The following DPH3 variants were observed in gnomAD, a reference collection of about 807,000 sequenced individuals.
DPH3 encodes diphthamide biosynthesis protein 3.
DPH3 carries 8 observed loss-of-function variants against 10.2 expected under a neutral mutation model. The observed-to-expected ratio is 0.79, with a 90% CI of 0.46 to 1.42. The LOEUF is 1.42. Ranked by LOEUF, DPH3 falls within the 40% of genes most tolerant of loss-of-function variation. The pLI is 0.00. For synonymous variants in DPH3, 35 were observed against 35.6 expected (o/e 0.98, Z 0.06); for missense variants, 96 against 98.9 (o/e 0.97, Z 0.12).
At chr3:16,260,910 G>A (rs1157986601) in intron 2 of DPH3, 81 bp from the exon 3 acceptor site, 2 of 1,281,392 alleles carry the variant, frequency 1.6e-6, no homozygotes, top group Non-Finnish European at 2.2e-6. Flanking sequence ...TTTTGTTACA[G>A]CATCAATCCA....
intron 1 of DPH3, 87 bp from the exon 2 acceptor site, chr3:16,264,316 C>T: frequency 9.4e-7 from 1 of 1,066,546 alleles, no homozygotes; most frequent in African/African-American, 1.6e-5. Flanking sequence ...AGATGCAAGT[C>T]TCTTGGTGGC....
At position 16,261,801 on chromosome 3, in the gene DPH3, G is replaced by A. The variant is rs1373309702; in HGVS notation, c.184-972C>T. ...ACCAGAGGGATTGGAAGTGGGGCTA[G>A]TTCCTCCTTTTTGCCTCCATTCTCC... is the stretch of plus-strand genomic sequence containing the variant. On this transcript the variant is annotated intron_variant, in intron 2 of 2. Coordinates refer to ENST00000488423, the MANE Select transcript of DPH3 (RefSeq NM_206831.3). This position sits in a 1 kb window ranked among gnomAD's most constrained non-coding sequence, Gnocchi z 7.1. Among the ~76,000 whole-genome samples, 1 of 152,128 alleles carries A rather than the reference G, an allele frequency of 6.6e-6. No individual in the cohort carries two copies. The highest frequency in any genetic ancestry group is 2.1e-4 in the South Asian group (1 of 4,808).
At position 16,264,206 on chromosome 3, in the gene DPH3, G is replaced by A. The variant is rs147452194; in HGVS notation, c.132C>T (p.Asp44=). Residue 44 remains aspartate, a synonymous_variant, in exon 2 of 3, where the codon GAC becomes GAT. Transcript: ENST00000488423. ...GAGAGCAGCTAGGACACGTTGCCAC[G>A]TCTTCCCCATTCTCCAAATCTTCCT... The part of the protein sequence containing the change: ...ITKEDLENGE[D]VATCPSCSLI... The A allele has an allele frequency of 1.3e-5, 21 of 1,610,162 alleles. No individual in the cohort carries two copies. The highest frequency in any genetic ancestry group is 1.2e-4 in the African/African-American group (9 of 74,818).
rs1403873885 is a variant in DPH3 at position 16,258,186 on chromosome 3, C to A, written c.*2578G>T. 1 of 152,120 alleles carries A rather than the reference C, an allele frequency of 6.6e-6. No homozygotes were observed. Among genetic ancestry groups the A allele is most frequent in the Non-Finnish European group, 1.5e-5 (1 of 68,024 alleles). 9.4% of individuals were successfully genotyped at this position (152,120 alleles called of 1,614,324 possible). ...TAACATCAAGTTTTGGAAGAATGGA[C>A]TTTTTCTGTAATTCATGATTTAGTT... On this transcript the variant is annotated 3_prime_UTR_variant, in exon 3 of 3. Transcript: ENST00000488423.
Position 16,264,190 on chromosome 3 carries a change from T to A in DPH3, c.148A>T (p.Ser50Cys). The change falls in exon 2 of 3, where the codon AGC becomes TGC. Residue 50 changes from serine (S) to cysteine (C), a missense_variant. Ser to Cys is a moderately radical substitution (Grantham distance 112). Transcript: ENST00000488423. ...ENGEDVATCP[S>C]CSLIIKVIYD... ...ATCACTTTTATAATGAGAGAGCAGC[T>A]AGGACACGTTGCCACGTCTTCCCCA... 2 of 1,611,824 alleles carry A rather than the reference T, an allele frequency of 1.2e-6. No individual in the cohort carries two copies. The highest frequency in any genetic ancestry group is 1.7e-6 in the Non-Finnish European group (2 of 1,178,408).
intron 1 of DPH3, 41 bp from the exon 2 acceptor site, chr3:16,264,270 C>T: frequency 2.6e-6 from 4 of 1,511,124 alleles, no homozygotes; most frequent in Admixed American, 1.8e-5. Flanking sequence ...GATAGCTTCT[C>T]TTCGCCATCT....
In DPH3 at chr3:16,258,432, A is replaced by T. The variant is rs1173147495; in HGVS notation, c.*2332T>A. ...CTCCAGGAATGTCTTGAGCTAAATA[A>T]GGCACACGTATCACACAGAACTTTA... On this transcript the variant is annotated 3_prime_UTR_variant, in exon 3 of 3. Transcript: ENST00000488423. 6.6e-6 allele frequency: 1 copy of T among 152,216 alleles called. No homozygotes were observed. The highest frequency in any genetic ancestry group is 2.4e-5 in the African/African-American group (1 of 41,458). 9.4% of individuals were successfully genotyped at this position (152,216 alleles called of 1,614,324 possible). A position where few individuals can be genotyped will look rare whatever the true frequency, so the allele number is the denominator to read the frequency against.
In DPH3 at chr3:16,264,935, T is replaced by C; in HGVS notation, c.-59A>G. The C allele has an allele frequency of 6.3e-7, 1 of 1,587,482 alleles. No homozygotes were observed. Among genetic ancestry groups the C allele is most frequent in the African/African-American group, 1.3e-5 (1 of 74,486 alleles). Reference sequence around the variant, plus strand: ...AGCAGTCCGAGGCCAGCTCCGAGGGTTTAACTTCGCCGGAACCGGCCTGGG... The same window carrying C: ...AGCAGTCCGAGGCCAGCTCCGAGGGCTTAACTTCGCCGGAACCGGCCTGGG... On this transcript the variant is annotated 5_prime_UTR_variant, in exon 1 of 3. Transcript: ENST00000488423.
At position 16,263,972 on chromosome 3, in the gene DPH3, A is replaced by C. The variant is rs2064338519; in HGVS notation, c.183+183T>G. Among the ~76,000 whole-genome samples, 1 of 152,198 alleles carries C rather than the reference A, an allele frequency of 6.6e-6. No homozygotes were observed. Among genetic ancestry groups the C allele is most frequent in the African/African-American group, 2.4e-5 (1 of 41,444 alleles). ...AGCTAAAATAAATTACGTAATCTGA[A>C]CTTTAAACGTTTTAATTTACTATTC... is the stretch of plus-strand genomic sequence containing the variant. On this transcript the variant is annotated intron_variant, in intron 2 of 2. Transcript: ENST00000488423. This position sits in a 1 kb window ranked among gnomAD's most constrained non-coding sequence, Gnocchi z 4.0.
Position 16,259,201 on chromosome 3 carries a change from T to C in DPH3, c.*1563A>G, listed in dbSNP as rs1027516327. 6.6e-6 allele frequency: 1 copy of C among 152,260 alleles called. No homozygotes were observed. 9.4% of individuals were successfully genotyped at this position (152,260 alleles called of 1,614,324 possible). On this transcript the variant is annotated 3_prime_UTR_variant, in exon 3 of 3. Transcript: ENST00000488423. Reference sequence around the variant, plus strand: ...TCACTTTGCTTTTGCAAAGCAGTTGTGGATTACTTCTGGGATGTCAGTGTC... The same window carrying C: ...TCACTTTGCTTTTGCAAAGCAGTTGCGGATTACTTCTGGGATGTCAGTGTC...
In DPH3 at chr3:16,264,878, G is replaced by T; in HGVS notation, c.-2C>A. The T allele has an allele frequency of 6.2e-7, 1 of 1,614,156 alleles. No homozygotes were observed. The highest frequency in any genetic ancestry group is 1.7e-5 in the Admixed American group (1 of 60,024). On this transcript the variant is annotated 5_prime_UTR_variant, in exon 1 of 3. Transcript: ENST00000488423. Reference sequence around the variant, plus strand: ...CACCTCGTCATGAAACACTGCCATGGTCAGCGGGGGTGGCCGAAGGGGTAA... The same window carrying T: ...CACCTCGTCATGAAACACTGCCATGTTCAGCGGGGGTGGCCGAAGGGGTAA...
At chr3:16,264,436 A>C (rs1378362415) in intron 1 of DPH3, 1 of 546,972 alleles carries the variant, frequency 1.8e-6, no homozygotes, top group African/African-American at 1.9e-5. Context: ...AGGTCAGGCG[A>C]GCTTCGGTCG....
In DPH3 at chr3:16,263,925, C is replaced by T. The variant is rs2124935414; in HGVS notation, c.183+230G>A. 6.6e-6 allele frequency among the ~76,000 whole-genome samples: 1 copy of T among 152,280 alleles called. No homozygotes were observed. Among genetic ancestry groups the T allele is most frequent in the East Asian group, 1.9e-4 (1 of 5,192 alleles). On this transcript the variant is annotated intron_variant, in intron 2 of 2. Coordinates refer to ENST00000488423, the MANE Select transcript of DPH3 (RefSeq NM_206831.3). This position sits in a 1 kb window ranked among gnomAD's most constrained non-coding sequence, Gnocchi z 4.0. ...TCTATTTAATAAATAATAATTTTCA[C>T]TAAAGCTAGATTTATCTCTAAAGCT...
chr3:16,260,451 C>T lies in DPH3; in HGVS notation c.*313G>A, dbSNP rs950550863. 10 of 265,080 alleles carry T rather than the reference C, an allele frequency of 3.8e-5. No individual in the cohort carries two copies. Among genetic ancestry groups the T allele is most frequent in the East Asian group, 2.7e-4 (4 of 14,564 alleles). 16.4% of individuals were successfully genotyped at this position (265,080 alleles called of 1,614,324 possible). On this transcript the variant is annotated 3_prime_UTR_variant, in exon 3 of 3. Coordinates refer to ENST00000488423, the MANE Select transcript of DPH3 (RefSeq NM_206831.3). ...GGTAGATGATGCTGTTGTCAGATAC[C>T]GAAGTAATTTGGTTTAAGATATGAA...
Position 16,260,843 on chromosome 3 carries a change from A to G in DPH3, c.184-14T>C. On this transcript the variant is annotated splice_polypyrimidine_tract_variant and intron_variant, in intron 2 of 2. Transcript: ENST00000488423. ...CACAAACTGATCCTAAGACAGAGTGAGAAATGACATTAACCAATGAATTTC... is the reference window on the plus strand; with the variant it reads ...CACAAACTGATCCTAAGACAGAGTGGGAAATGACATTAACCAATGAATTTC... The G allele has an allele frequency of 6.2e-7, 1 of 1,611,434 alleles. No individual in the cohort carries two copies. Among genetic ancestry groups the G allele is most frequent in the Admixed American group, 1.7e-5 (1 of 59,888 alleles).
rs1325092644 is a variant in DPH3, at chr3:16,260,393, ATC to A, written c.*369_*370del. 5.7e-6 allele frequency: 1 copy of A among 176,590 alleles called. No homozygotes were observed. Among genetic ancestry groups the A allele is most frequent in the Non-Finnish European group, 1.2e-5 (1 of 84,202 alleles). The allele number at this position is 176,590 out of a possible 1,614,324, so 10.9% of individuals were successfully genotyped here. ...TCTTAATAACCAAGTCAAAAATACA[ATC>A]TCTTTTTTATTAAGAAATCCTAATG... On this transcript the variant is annotated 3_prime_UTR_variant, in exon 3 of 3. Coordinates refer to ENST00000488423, the MANE Select transcript of DPH3 (RefSeq NM_206831.3).
rs1309263230 is a variant in DPH3, at chr3:16,258,212, T to G, written c.*2552A>C. 1 of 152,190 alleles carries G rather than the reference T, an allele frequency of 6.6e-6. No homozygotes were observed. Among genetic ancestry groups the G allele is most frequent in the Non-Finnish European group, 1.5e-5 (1 of 68,018 alleles). 9.4% of individuals were successfully genotyped at this position (152,190 alleles called of 1,614,324 possible). On this transcript the variant is annotated 3_prime_UTR_variant, in exon 3 of 3. Transcript: ENST00000488423. The stretch of plus-strand genomic sequence containing the variant: ...TTTTTCTGTAATTCATGATTTAGTT[T>G]GAGTTTATAAAGGTTTTAATTGCAA...
rs2064276558 is a variant in DPH3, at chr3:16,259,313, G to A, written c.*1451C>T. The stretch of plus-strand genomic sequence containing the variant: ...TCAGCTCGGTACATTATAATTTTTG[G>A]TAATTTATTGTCTCAGCCTAGTGGC... On this transcript the variant is annotated 3_prime_UTR_variant, in exon 3 of 3. Transcript: ENST00000488423. 1 of 152,200 alleles carries A rather than the reference G, an allele frequency of 6.6e-6. No homozygotes were observed. Among genetic ancestry groups the A allele is most frequent in the Admixed American group, 6.5e-5 (1 of 15,276 alleles). 9.4% of individuals were successfully genotyped at this position (152,200 alleles called of 1,614,324 possible).
chr3:16,264,477 T>A, intron 1 of DPH3: 1 of 539,316 alleles, frequency 1.9e-6, no homozygotes, highest in Non-Finnish European at 3.3e-6. Flanking sequence ...AAAAAACGAG[T>A]CCCCTCCTCG....
Sources: allele counts gnomAD v4.1 joint callset (sites outside exome capture counted in the v4.1 genomes callset), GRCh38; gene constraint gnomAD v4.1.1; non-coding constraint Gnocchi (gnomAD v3.1); transcripts MANE v1.5; gene names NCBI Gene and HGNC (gene_info 2026-07-23, HGNC 2026-07-21).